AKAP12: variants seen among roughly 807,000 people sequenced by gnomAD.
The protein encoded by AKAP12 is A-kinase anchoring protein 12.
Under a neutral mutation model 79.9 loss-of-function variants are expected in AKAP12, and 32 were observed. The ratio of observed to expected loss-of-function variants is 0.40; its 90% CI spans 0.30 to 0.54. The LOEUF is 0.54. AKAP12 is among the 20% of genes least tolerant of loss of function. The probability of loss-of-function intolerance (pLI) is 0.48; values close to 1 mark genes in which losing one functional copy is unlikely to be tolerated. For synonymous variants in AKAP12, 808 were observed against 857.0 expected, an observed-to-expected ratio of 0.94 and a Z score of 1.00; for missense variants, 2,074 against 2,177.0, an observed-to-expected ratio of 0.95 and a Z score of 0.94.
In AKAP12 at chr6:151,339,855, C is replaced by T. The variant is rs181437873; in HGVS notation, c.320-8856C>T. ...CATACATTGTGTATCTTCCTCAGAG[C>T]GTCTTCTTTTGCTTAGCTATATACA... On this transcript the variant is annotated intron_variant, in intron 3 of 4. Coordinates refer to ENST00000402676, the MANE Select transcript of AKAP12 (RefSeq NM_005100.4). Among the ~76,000 whole-genome samples, 405 of 152,150 alleles carry T rather than the reference C, an allele frequency of 2.7e-3. 4 individuals are homozygous for T. Among genetic ancestry groups the T allele is most frequent in the African/African-American group, 9.0e-3 (374 of 41,520 alleles).
intron 2 of AKAP12, among the ~76,000 whole-genome samples, chr6:151,283,119 G>A (rs1464288308): frequency 6.6e-6 from 1 of 152,170 alleles, no homozygotes; most frequent in Admixed American, 6.5e-5. Flanking sequence ...TTTAATGACG[G>A]TGAGGAGGCA....
chr6:151,354,289 T>A (rs1013965955), intron 4 of AKAP12, among the ~76,000 whole-genome samples: 2 of 152,224 alleles, frequency 1.3e-5, no homozygotes, highest in Non-Finnish European at 2.9e-5. Flanking sequence ...TTTTTAAAAA[T>A]TTTCCAGCGC....
At position 151,330,706 on chromosome 6, in the gene AKAP12, G is replaced by A. The variant is rs2114793061; in HGVS notation, c.320-18005G>A. Among the ~76,000 whole-genome samples the A allele has an allele frequency of 1.3e-5, 2 of 152,056 alleles. 1 individual carries two copies. The highest frequency in any genetic ancestry group is 3.9e-4 in the East Asian group (2 of 5,170). ...TGGATAAAAACATTAATATTTTGTA[G>A]TATATAATCAACATATTCCTTTAAA... On this transcript the variant is annotated intron_variant, in intron 3 of 4. Transcript: ENST00000402676.
At chr6:151,320,984 C>CTT (rs1267946916) in intron 3 of AKAP12, among the ~76,000 whole-genome samples, 5 of 151,490 alleles carry the variant, frequency 3.3e-5, no homozygotes, top group Admixed American at 2.0e-4. Context: ...ATTTTCTTTT[C>CTT]TTTCTTTCTT....
At chr6:151,256,901 G>A (rs1027566528) in intron 2 of AKAP12, among the ~76,000 whole-genome samples, 1 of 150,522 alleles carries the variant, frequency 6.6e-6, no homozygotes, top group African/African-American at 2.5e-5. Flanking sequence ...TGCCTGCCTC[G>A]GCCTCCCAAC....
intron 3 of AKAP12, among the ~76,000 whole-genome samples, chr6:151,340,505 A>T (rs946885549): frequency 3.3e-5 from 5 of 152,174 alleles, no homozygotes; most frequent in African/African-American, 1.2e-4. Context: ...GTGGCTGTCC[A>T]TTTGCGTTCT....
chr6:151,275,764 T>C (rs1443329302), intron 2 of AKAP12, among the ~76,000 whole-genome samples: 1 of 152,258 alleles, frequency 6.6e-6, no homozygotes, highest in Non-Finnish European at 1.5e-5. Context: ...ATCATTTTCC[T>C]TCCATCAAAT....
chr6:151,338,437 A>G (rs555149839), intron 3 of AKAP12, among the ~76,000 whole-genome samples: 3 of 148,232 alleles, frequency 2.0e-5, no homozygotes, highest in South Asian at 4.3e-4. Context: ...GCCTATATCA[A>G]TTTAGGTTAG....
At chr6:151,253,904 T>C (rs1237224568) in intron 2 of AKAP12, among the ~76,000 whole-genome samples, 2 of 151,986 alleles carry the variant, frequency 1.3e-5, no homozygotes, top group South Asian at 2.1e-4. Flanking sequence ...AGACGGGGTT[T>C]TACCATGTTG....
At position 151,352,937 on chromosome 6, in the gene AKAP12, GA is replaced by G. The variant is rs1480481833; in HGVS notation, c.4547del (p.Asp1516ValfsTer11). ...TSLKWKSDEVDEQVACQEVKV... is the reference protein window; with the variant it reads ...TSLKWKSDEVXEQVACQEVKV... ...ACTGAAGTGGAAGTCAGATGAAGTC[GA>G]TGAGCAGGTTGCTTGCCAGGAGGTC... On this transcript the variant is annotated frameshift_variant, in exon 4 of 5. Transcript: ENST00000402676. LOFTEE classifies it low-confidence loss of function (END_TRUNC). 1 of 1,613,180 alleles carries G rather than the reference GA, an allele frequency of 6.2e-7. No homozygotes were observed. Among genetic ancestry groups the G allele is most frequent in the Admixed American group, 1.7e-5 (1 of 59,804 alleles).
At chr6:151,276,603 A>C (rs1465505650) in intron 2 of AKAP12, among the ~76,000 whole-genome samples, 1 of 152,258 alleles carries the variant, frequency 6.6e-6, no homozygotes, top group Non-Finnish European at 1.5e-5. Context: ...ACTGCAGAGC[A>C]ATCTCCCAGT....
chr6:151,293,340 G>GC (rs2114739250), intron 2 of AKAP12, among the ~76,000 whole-genome samples: 1 of 152,304 alleles, frequency 6.6e-6, no homozygotes, highest in Admixed American at 6.5e-5. Context: ...CTGGTGCAGG[G>GC]CCACAGAAAA....
chr6:151,291,850 T>A (rs1776629639), intron 2 of AKAP12, among the ~76,000 whole-genome samples: 1 of 152,160 alleles, frequency 6.6e-6, no homozygotes, highest in African/African-American at 2.4e-5. Flanking sequence ...TGGGATGGCT[T>A]AACATAGCTC....
chr6:151,272,351 A>C (rs1312225852), intron 2 of AKAP12, among the ~76,000 whole-genome samples: 8 of 151,242 alleles, frequency 5.3e-5, no homozygotes, highest in East Asian at 1.9e-4. Context: ...TTTCAAAAAA[A>C]AAAAAAAACA....
chr6:151,284,525 G>A (rs1011412849), intron 2 of AKAP12, among the ~76,000 whole-genome samples: 2 of 152,120 alleles, frequency 1.3e-5, no homozygotes. Context: ...CTACTTGGGG[G>A]GCTGAGGCTG....
In AKAP12 at chr6:151,349,996, G is replaced by GA; in HGVS notation, c.1609dup (p.Arg537LysfsTer35). On this transcript the variant is annotated frameshift_variant, in exon 4 of 5. Transcript: ENST00000402676. LOFTEE classifies it high-confidence loss of function. ...AGCTTTCTGGAAAGAAACAGAAAGGGAAAAGAGGAGGAGGAGACGAGGAAT... is the reference window on the plus strand; with the variant it reads ...AGCTTTCTGGAAAGAAACAGAAAGGGAAAAAGAGGAGGAGGAGACGAGGAAT... 6.2e-7 allele frequency: 1 copy of GA among 1,614,150 alleles called. No individual in the cohort carries two copies. The highest frequency in any genetic ancestry group is 8.5e-7 in the Non-Finnish European group (1 of 1,180,012).
chr6:151,269,352 T>A (rs1050961317), intron 2 of AKAP12, among the ~76,000 whole-genome samples: 4 of 152,154 alleles, frequency 2.6e-5, no homozygotes, highest in Non-Finnish European at 5.9e-5. Context: ...CTCAATAGCA[T>A]TTTAGACTTG....
chr6:151,250,824 T>A (rs1038632751), intron 2 of AKAP12, among the ~76,000 whole-genome samples: 1 of 152,020 alleles, frequency 6.6e-6, no homozygotes, highest in Admixed American at 6.6e-5. Flanking sequence ...GCCAGGATGG[T>A]CTCAATCTCC....
chr6:151,261,459 G>A (rs1797431836), intron 2 of AKAP12, among the ~76,000 whole-genome samples: 2 of 152,066 alleles, frequency 1.3e-5, no homozygotes, highest in South Asian at 2.1e-4. Flanking sequence ...GGGAGGCAGA[G>A]GCGGGTGGAT....
Sources: gnomAD v4.1 joint callset for allele counts (sites outside exome capture counted in the v4.1 genomes callset) on GRCh38, gnomAD v4.1.1 for gene constraint, MANE v1.5 for transcripts, NCBI Gene and HGNC (gene_info 2026-07-23, HGNC 2026-07-21) for gene names.